Variants in TAF9B observed in about 807,000 individuals in gnomAD.
TAF9B encodes TATA-box binding protein associated factor 9b.
TAF9B carries 47 observed loss-of-function variants against 17.6 expected under a neutral mutation model. That is an observed-to-expected ratio of 2.68 (90% confidence interval 2.12 to 3.41). The LOEUF (loss-of-function observed/expected upper bound fraction) is 3.41, where lower values mean the gene tolerates loss of function less well. Ranked by LOEUF, TAF9B falls within the 30% of genes most tolerant of loss-of-function variation. The probability of loss-of-function intolerance (pLI) is 0.00; values close to 1 mark genes in which losing one functional copy is unlikely to be tolerated. For synonymous variants in TAF9B, 84 were observed against 68.7 expected (o/e 1.22, Z -1.10); for missense variants, 218 against 189.3 (o/e 1.15, Z -0.89).
chrX:78,137,468 T>C (rs781931623), intron 4 of TAF9B, among the ~76,000 whole-genome samples: 58 of 111,446 alleles, frequency 5.2e-4, no homozygotes, highest in Non-Finnish European at 9.4e-4. Flanking sequence ...AAAACTATGA[T>C]ATAGTGGAAA....
chrX:78,135,394 TG>T (rs1478798475), intron 5 of TAF9B, among the ~76,000 whole-genome samples: 4 of 100,620 alleles, frequency 4.0e-5, no homozygotes, highest in African/African-American at 1.1e-4. Context: ...CTGGCCAACA[TG>T]GTGAAATCCC....
rs201863850 is a variant in TAF9B, at chrX:78,132,610, C to CTGTGTGTG, written c.592+720_592+727dup. ...GCTATGACAGAATTCTTATTCCAAT[C>CTGTGTGTG]TGTGTGTGTGTGTGTGTGTGTGTGT... On this transcript the variant is annotated intron_variant, in intron 6 of 6. Coordinates refer to ENST00000341864, the MANE Select transcript of TAF9B (RefSeq NM_015975.5). 5.6e-4 allele frequency among the ~76,000 whole-genome samples: 54 copies of CTGTGTGTG among 96,284 alleles called. 1 individual carries two copies. The highest frequency in any genetic ancestry group is 1.9e-3 in the African/African-American group (49 of 25,952). The allele number at this position is 96,284 out of a possible 115,157, so 83.6% of individuals were successfully genotyped here.
chrX:78,137,169 C>T (rs950619670), intron 4 of TAF9B, among the ~76,000 whole-genome samples, 179 bp from the exon 5 acceptor site: 3 of 112,117 alleles, frequency 2.7e-5, no homozygotes, highest in Non-Finnish European at 3.8e-5. Context: ...ATATATACAT[C>T]TCTATCTATA....
chrX:78,139,303 G>A (rs1278124531), intron 1 of TAF9B, among the ~76,000 whole-genome samples: 2 of 111,406 alleles, frequency 1.8e-5, no homozygotes, highest in Non-Finnish European at 3.8e-5. Context: ...GGGAGGCAGG[G>A]GCCCGAAGCC....
intron 4 of TAF9B, 101 bp from the exon 5 acceptor site, chrX:78,137,091 G>A: frequency 1.7e-6 from 1 of 599,048 alleles, no homozygotes; most frequent in South Asian, 3.2e-5. Context: ...ATAATCCATG[G>A]CAAGAAAGTC....
intron 5 of TAF9B, 52 bp from the exon 6 acceptor site, chrX:78,133,500 T>C (rs2078422770): frequency 3.3e-6 from 3 of 916,049 alleles, no homozygotes; most frequent in Non-Finnish European, 1.6e-6. Flanking sequence ...TACAGATTTA[T>C]ATTCTACACT....
chrX:78,131,588 C>T lies in TAF9B; in HGVS notation c.*22G>A. 12 of 1,188,525 alleles carry T rather than the reference C, an allele frequency of 1.0e-5. No homozygotes were observed. The highest frequency in any genetic ancestry group is 1.4e-5 in the Non-Finnish European group (12 of 879,898). On this transcript the variant is annotated 3_prime_UTR_variant, in exon 7 of 7. Transcript: ENST00000341864. Reference sequence around the variant, plus strand: ...CAAAACCAACTTTCCTTTTGAAATGCATCTAGACTAGACTATATTCCTTAC... The same window carrying T: ...CAAAACCAACTTTCCTTTTGAAATGTATCTAGACTAGACTATATTCCTTAC...
At chrX:78,132,856 C>T (rs1318439497) in intron 6 of TAF9B, among the ~76,000 whole-genome samples, 1 of 110,401 alleles carries the variant, frequency 9.1e-6, no homozygotes, top group East Asian at 2.8e-4. Flanking sequence ...TCTTTCCCTC[C>T]TCCCCAAAAC....
At chrX:78,139,175 C>T (rs1245531223) in intron 1 of TAF9B, among the ~76,000 whole-genome samples, 1 of 111,337 alleles carries the variant, frequency 9.0e-6, no homozygotes, top group East Asian at 2.8e-4. Context: ...CAGAATTTGG[C>T]TTCTCCAGCA....
chrX:78,132,042 C>T (rs782343823), intron 6 of TAF9B, among the ~76,000 whole-genome samples: 254 of 111,858 alleles, frequency 2.3e-3, no homozygotes, highest in African/African-American at 7.5e-3. Flanking sequence ...CTCGCTCTGT[C>T]GTCCAAGCTG....
rs782508764 is a variant in TAF9B at position 78,131,798 on chromosome X, C to G, written c.593-25G>C. The G allele has an allele frequency of 6.8e-6, 8 of 1,181,505 alleles. No homozygotes were observed. The African/African-American group carries it at 1.1e-4, about 16-fold the overall frequency. ...ACTGTAAACAGAGAAGAAAGCCCCCCCAAAACCAAGCTATGAATTACCCAG... is the reference window on the plus strand; with the variant it reads ...ACTGTAAACAGAGAAGAAAGCCCCCGCAAAACCAAGCTATGAATTACCCAG... On this transcript the variant is annotated intron_variant, in intron 6 of 6. Coordinates refer to ENST00000341864, the MANE Select transcript of TAF9B (RefSeq NM_015975.5).
Position 78,136,912 on chromosome X carries a change from T to TA in TAF9B, c.481+2dup. On this transcript the variant is annotated splice_region_variant and intron_variant, in intron 5 of 6. Transcript: ENST00000341864. ...AGAAATGCCATTGTCTCCTCTCACT[T>TA]ACCTATAGTAGGAGTAGTAGGTTTG... 1.7e-6 allele frequency: 2 copies of TA among 1,190,721 alleles called. No homozygotes were observed. Among genetic ancestry groups the TA allele is most frequent in the Non-Finnish European group, 2.3e-6 (2 of 878,007 alleles).
Position 78,139,090 on chromosome X carries a change from T to C in TAF9B, c.52-166A>G, listed in dbSNP as rs782234816. 1.7e-3 allele frequency among the ~76,000 whole-genome samples: 185 copies of C among 111,801 alleles called. 1 individual carries two copies. The highest frequency in any genetic ancestry group is 5.3e-3 in the African/African-American group (164 of 30,662). The stretch of plus-strand genomic sequence containing the variant: ...GAGTCAGTGATCACACGAAATCGCA[T>C]AGTACGCTTTTGCAGAAAACTTTTA... On this transcript the variant is annotated intron_variant, in intron 1 of 6. Coordinates refer to ENST00000341864, the MANE Select transcript of TAF9B (RefSeq NM_015975.5).
At position 78,133,336 on chromosome X, in the gene TAF9B, A is replaced by G. The variant is rs782026549; in HGVS notation, c.592+2T>C. 2 of 1,195,943 alleles carry G rather than the reference A, an allele frequency of 1.7e-6. No homozygotes were observed. The highest frequency in any genetic ancestry group is 1.8e-5 in the South Asian group (1 of 56,307). On this transcript the variant is annotated splice_donor_variant, in intron 6 of 6. Coordinates refer to ENST00000341864, the MANE Select transcript of TAF9B (RefSeq NM_015975.5). LOFTEE classifies it high-confidence loss of function. ...TCTGTCCCCCACTCCCAATCACATT[A>G]CCTGGTTTGACAGGTGTGGACTGAG...
intron 2 of TAF9B, 73 bp downstream of exon 2, chrX:78,138,770 A>C: frequency 2.3e-6 from 2 of 871,860 alleles, no homozygotes; most frequent in Admixed American, 4.6e-5. Context: ...AAAATAAAAG[A>C]AAATGTTCTT....
At position 78,130,601 on chromosome X, in the gene TAF9B, A is replaced by C. The variant is rs1395986462; in HGVS notation, c.*1009T>G. The C allele has an allele frequency of 3.6e-5, 4 of 112,404 alleles. No individual in the cohort carries two copies. The highest frequency in any genetic ancestry group is 7.5e-5 in the Non-Finnish European group (4 of 53,132). The allele number at this position is 112,404 out of a possible 1,213,427, so 9.3% of individuals were successfully genotyped here. A position where few individuals can be genotyped will look rare whatever the true frequency, so the allele number is the denominator to read the frequency against. On this transcript the variant is annotated 3_prime_UTR_variant, in exon 7 of 7. Coordinates refer to ENST00000341864, the MANE Select transcript of TAF9B (RefSeq NM_015975.5). ...CGGGGCTCAAGCAGCAGTGATCAAA[A>C]CATAATATGTATGTGGTAAAAAGGA...
chrX:78,130,906 T>A lies in TAF9B; in HGVS notation c.*704A>T, dbSNP rs2078407484. ...TCAGGTTAAAGTGAATCACAAAACA[T>A]TAGGCATGTAGAGCATGTTTTAAAA... is the stretch of plus-strand genomic sequence containing the variant. On this transcript the variant is annotated 3_prime_UTR_variant, in exon 7 of 7. Transcript: ENST00000341864. The A allele has an allele frequency of 2.7e-5, 3 of 111,890 alleles. No individual in the cohort carries two copies. Among genetic ancestry groups the A allele is most frequent in the Admixed American group, 1.9e-4 (2 of 10,496 alleles). 9.2% of individuals were successfully genotyped at this position (111,890 alleles called of 1,213,427 possible). A position where few individuals can be genotyped will look rare whatever the true frequency, so the allele number is the denominator to read the frequency against.
chrX:78,132,043 G>A (rs972623018), intron 6 of TAF9B, among the ~76,000 whole-genome samples: 1 of 111,623 alleles, frequency 9.0e-6, no homozygotes, highest in East Asian at 2.8e-4. Flanking sequence ...TCGCTCTGTC[G>A]TCCAAGCTGG....
chrX:78,133,143 G>C (rs782541816), intron 6 of TAF9B, among the ~76,000 whole-genome samples, 195 bp downstream of exon 6: 1 of 111,572 alleles, frequency 9.0e-6, no homozygotes, highest in Non-Finnish European at 1.9e-5. Context: ...CAAGGATAAG[G>C]GGGGAGACTA....
Sources: allele counts gnomAD v4.1 joint callset (sites outside exome capture counted in the v4.1 genomes callset), GRCh38; gene constraint gnomAD v4.1.1; transcripts MANE v1.5; gene names NCBI Gene and HGNC (gene_info 2026-07-23, HGNC 2026-07-21).